SCUBE1: variants seen among roughly 807,000 people sequenced by gnomAD.
SCUBE1 encodes signal peptide, CUB and EGF-like domain-containing protein 1.
Under a neutral mutation model 124.4 loss-of-function variants are expected in SCUBE1, and 59 were observed. The observed-to-expected ratio is 0.47, with a 90% CI of 0.38 to 0.59. SCUBE1 has a LOEUF of 0.59. Among genes scored for constraint, SCUBE1 ranks in the 20% least tolerant of loss-of-function variants. The pLI is 0.00. For synonymous variants in SCUBE1, 545 were observed against 550.9 expected (o/e 0.99, Z 0.15); for missense variants, 1,150 against 1,371.2 (o/e 0.84, Z 2.55).
chr22:43,249,953 T>G (rs879547733), intron 6 of SCUBE1, among the ~76,000 whole-genome samples: 14 of 152,266 alleles, frequency 9.2e-5, no homozygotes, highest in Non-Finnish European at 2.1e-4. Flanking sequence ...TTTCTGGTGC[T>G]TTGCACCTCA....
chr22:43,286,505 TG>T (rs779810377), intron 4 of SCUBE1, among the ~76,000 whole-genome samples: 82 of 152,252 alleles, frequency 5.4e-4, no homozygotes, highest in Admixed American at 2.6e-4. Flanking sequence ...AACCCAAAGC[TG>T]CTGGCAGCCA....
At chr22:43,291,449 G>A (rs961055668) in intron 3 of SCUBE1, among the ~76,000 whole-genome samples, 8 of 151,180 alleles carry the variant, frequency 5.3e-5, no homozygotes, top group Non-Finnish European at 8.9e-5. Context: ...ATAGTGGTAC[G>A]GAGGGTCTCC....
At chr22:43,298,069 A>C (rs1466569914) in intron 3 of SCUBE1, among the ~76,000 whole-genome samples, 1 of 152,254 alleles carries the variant, frequency 6.6e-6, no homozygotes, top group African/African-American at 2.4e-5. Context: ...TCCTTTCAGA[A>C]GGGCGGCTTA....
chr22:43,267,101 A>G (rs1924100366), intron 4 of SCUBE1, among the ~76,000 whole-genome samples: 1 of 152,200 alleles, frequency 6.6e-6, no homozygotes, highest in Non-Finnish European at 1.5e-5. Flanking sequence ...CAGCACTCCT[A>G]TCTGCCCTTG....
intron 1 of SCUBE1, among the ~76,000 whole-genome samples, chr22:43,339,437 A>G (rs1927194380): frequency 6.6e-6 from 1 of 152,034 alleles, no homozygotes; most frequent in Non-Finnish European, 1.5e-5. Flanking sequence ...TGGCAGGGAC[A>G]ATGCTATCAA....
chr22:43,341,188 G>A (rs1927305251), intron 1 of SCUBE1, among the ~76,000 whole-genome samples: 1 of 152,230 alleles, frequency 6.6e-6, no homozygotes. Context: ...GCCTGTCCTA[G>A]ACAGCTGCCC....
chr22:43,210,015 C>T lies in SCUBE1; in HGVS notation c.2581+28G>A, dbSNP rs947978350. 4 of 1,569,178 alleles carry T rather than the reference C, an allele frequency of 2.5e-6. No individual in the cohort carries two copies. The highest frequency in any genetic ancestry group is 1.4e-5 in the African/African-American group (1 of 73,352). On this transcript the variant is annotated intron_variant, in intron 19 of 21. Transcript: ENST00000360835. This position sits in a 1 kb window ranked among gnomAD's most constrained non-coding sequence, Gnocchi z 4.5. ...GGGGGTGCACACGCAGCTGAGGCTG[C>T]CTCTGGTCCCCTCGGCCCCCAACAT...
chr22:43,338,506 T>C (rs963827746), intron 2 of SCUBE1, among the ~76,000 whole-genome samples: 3 of 152,150 alleles, frequency 2.0e-5, no homozygotes, highest in African/African-American at 4.8e-5. Flanking sequence ...CATTCAATGC[T>C]TCATCTTAAT....
chr22:43,255,904 C>A lies in SCUBE1; in HGVS notation c.727+2315G>T, dbSNP rs1192106682. Among the ~76,000 whole-genome samples, 2 of 152,070 alleles carry A rather than the reference C, an allele frequency of 1.3e-5. No homozygotes were observed. Among genetic ancestry groups the A allele is most frequent in the African/African-American group, 4.8e-5 (2 of 41,388 alleles). Reference sequence around the variant, plus strand: ...GAGGTCAGGGCAGACGGGATTCGTCCGCAGAGAGCCACAGAAGCAGAAAGC... The same window carrying A: ...GAGGTCAGGGCAGACGGGATTCGTCAGCAGAGAGCCACAGAAGCAGAAAGC... On this transcript the variant is annotated intron_variant, in intron 6 of 21. Transcript: ENST00000360835. The surrounding 1 kb of genome is among the most constrained non-coding windows in gnomAD (Gnocchi z 4.7).
At chr22:43,314,364 G>A (rs1055108669) in intron 3 of SCUBE1, among the ~76,000 whole-genome samples, 3 of 152,264 alleles carry the variant, frequency 2.0e-5, no homozygotes, top group South Asian at 2.1e-4. Context: ...AGGCAGCTGC[G>A]GTGTAGTTCA....
rs749195301 is a variant in SCUBE1 at position 43,210,903 on chromosome 22, G to A, written c.2383+19C>T. On this transcript the variant is annotated intron_variant, in intron 18 of 21. Coordinates refer to ENST00000360835, the MANE Select transcript of SCUBE1 (RefSeq NM_173050.5). This position sits in a 1 kb window ranked among gnomAD's most constrained non-coding sequence, Gnocchi z 4.5. ...CCTCCCGTGTTCCCAGCTTCCCACG[G>A]CAGAGCAGCAGCACCCACTTTTGCA... 1.8e-5 allele frequency: 29 copies of A among 1,613,468 alleles called. No homozygotes were observed. Among genetic ancestry groups the A allele is most frequent in the Non-Finnish European group, 8.5e-7 (1 of 1,179,754 alleles).
At chr22:43,314,717 G>C (rs769391460) in intron 3 of SCUBE1, among the ~76,000 whole-genome samples, 1 of 152,126 alleles carries the variant, frequency 6.6e-6, no homozygotes, top group Non-Finnish European at 1.5e-5. Flanking sequence ...GCTGAGGCTC[G>C]TCATGGTGTG....
At chr22:43,340,295 G>T (rs754907021) in intron 1 of SCUBE1, among the ~76,000 whole-genome samples, 6 of 152,090 alleles carry the variant, frequency 3.9e-5, no homozygotes, top group Non-Finnish European at 8.8e-5. Context: ...ACGTGAACCT[G>T]GTTTTCATGT....
At chr22:43,269,335 G>A (rs970018985) in intron 4 of SCUBE1, among the ~76,000 whole-genome samples, 38 of 152,094 alleles carry the variant, frequency 2.5e-4, no homozygotes, top group African/African-American at 8.0e-4. Context: ...GAGAAACGAT[G>A]GCATGGTCTG....
At chr22:43,334,536 C>G (rs1176110068) in intron 2 of SCUBE1, among the ~76,000 whole-genome samples, 1 of 152,126 alleles carries the variant, frequency 6.6e-6, no homozygotes, top group Non-Finnish European at 1.5e-5. Flanking sequence ...TCATCATCAT[C>G]TTCTTCAGCA....
chr22:43,232,243 G>C (rs1395128224), intron 7 of SCUBE1: 2 of 203,030 alleles, frequency 9.9e-6, no homozygotes, highest in East Asian at 2.2e-4. Context: ...GAGGCCGCCT[G>C]GCCAGCAGGG....
chr22:43,230,821 G>C (rs1922521417), intron 8 of SCUBE1, among the ~76,000 whole-genome samples: 1 of 152,152 alleles, frequency 6.6e-6, no homozygotes, highest in South Asian at 2.1e-4. Flanking sequence ...ATTCCTCAGG[G>C]ACCTTGTGGG....
chr22:43,224,186 C>A (rs1274888096), intron 10 of SCUBE1, among the ~76,000 whole-genome samples: 1 of 152,204 alleles, frequency 6.6e-6, no homozygotes. Flanking sequence ...GTGCCGTGGG[C>A]CACAGGTGTC....
chr22:43,273,019 T>C (rs1924352634), intron 4 of SCUBE1, among the ~76,000 whole-genome samples: 1 of 152,252 alleles, frequency 6.6e-6, no homozygotes, highest in Non-Finnish European at 1.5e-5. Flanking sequence ...CAAGGACTGC[T>C]GCCCTTGACC....
Sources: allele counts gnomAD v4.1 joint callset (sites outside exome capture counted in the v4.1 genomes callset), GRCh38; gene constraint gnomAD v4.1.1; non-coding constraint Gnocchi (gnomAD v3.1); transcripts MANE v1.5; gene names NCBI Gene and HGNC (gene_info 2026-07-23, HGNC 2026-07-21).